The following PEAK1 variants were observed in gnomAD, a reference collection of about 807,000 sequenced individuals.
The protein encoded by PEAK1 is pseudopodium enriched atypical kinase 1, also known as inactive tyrosine-protein kinase PEAK1.
Under a neutral mutation model 124.7 loss-of-function variants are expected in PEAK1, and 54 were observed. The ratio of observed to expected loss-of-function variants is 0.43; its 90% CI spans 0.35 to 0.54. The LOEUF (loss-of-function observed/expected upper bound fraction) is 0.54. PEAK1 is among the 20% of genes least tolerant of loss of function. The probability of loss-of-function intolerance (pLI) is 0.01; values close to 1 mark genes in which losing one functional copy is unlikely to be tolerated. For synonymous variants in PEAK1, 719 were observed against 760.0 expected (o/e 0.95, Z 0.89); for missense variants, 2,046 against 2,134.5 (o/e 0.96, Z 0.82).
chr15:77,158,833 G>C, intron 7 of PEAK1, 137 bp from the exon 8 acceptor site: 2 of 782,832 alleles, frequency 2.6e-6, no homozygotes, highest in Non-Finnish European at 4.0e-6. Context: ...ACACAAGGCA[G>C]TACTTCATTT....
intron 7 of PEAK1, 72 bp downstream of exon 7, chr15:77,178,718 A>T: frequency 7.0e-7 from 1 of 1,433,542 alleles, no homozygotes. Flanking sequence ...TGCAATCTTA[A>T]AAGATATAAA....
intron 2 of PEAK1, chr15:77,347,388 A>C: frequency 1.0e-6 from 1 of 985,400 alleles, no homozygotes; most frequent in African/African-American, 1.7e-5. Flanking sequence ...AATCAGAAAG[A>C]ATCGGCATCA....
chr15:77,242,310 G>C (rs1260694114), intron 6 of PEAK1, among the ~76,000 whole-genome samples: 4 of 151,930 alleles, frequency 2.6e-5, no homozygotes, highest in African/African-American at 4.8e-5. Flanking sequence ...CCTCTAGAAA[G>C]GTCTTTCACC....
intron 6 of PEAK1, among the ~76,000 whole-genome samples, chr15:77,209,132 A>C (rs2058792659): frequency 6.6e-6 from 1 of 152,222 alleles, no homozygotes; most frequent in Non-Finnish European, 1.5e-5. Flanking sequence ...AGAAAATTGA[A>C]ACCAGATCTA....
At chr15:77,332,246 G>A (rs2065932364) in intron 2 of PEAK1, 1 of 984,592 alleles carries the variant, frequency 1.0e-6, no homozygotes, top group South Asian at 4.7e-5. Flanking sequence ...ACAAAAAGTT[G>A]ATTTTTTTCC....
rs577119894 is a variant in PEAK1, at chr15:77,126,140, G to A, written c.4077+6865C>T. Among the ~76,000 whole-genome samples the A allele has an allele frequency of 7.6e-4, 116 of 152,294 alleles. No individual in the cohort carries two copies. The South Asian group carries it at 0.013, about 17-fold the overall frequency. On this transcript the variant is annotated intron_variant, in intron 9 of 9. Coordinates refer to ENST00000682557, the MANE Select transcript of PEAK1 (RefSeq NM_001385026.1). ...TAATCAAAATAACTGTTACCAGCTT[G>A]ACATAGGAATTATTTGAGTATTACC...
intron 1 of PEAK1, among the ~76,000 whole-genome samples, chr15:77,408,105 A>G (rs1042797368): frequency 2.7e-5 from 4 of 150,286 alleles, no homozygotes; most frequent in South Asian, 2.1e-4. Flanking sequence ...ACACATATAT[A>G]CATATATACA....
intron 9 of PEAK1, among the ~76,000 whole-genome samples, chr15:77,129,556 C>G (rs1281439378): frequency 6.6e-6 from 1 of 151,522 alleles, no homozygotes; most frequent in South Asian, 2.1e-4. Context: ...ATGCCTCAGC[C>G]TCCCGAGTAA....
intron 1 of PEAK1, among the ~76,000 whole-genome samples, chr15:77,390,452 T>C (rs918408062): frequency 6.6e-6 from 1 of 152,214 alleles, no homozygotes; most frequent in Non-Finnish European, 1.5e-5. Flanking sequence ...ATGACAGCAT[T>C]AGAAGCTGAT....
rs551874809 is a variant in PEAK1 at position 77,342,690 on chromosome 15, T to A, written c.-603+22473A>T. Among the ~76,000 whole-genome samples, 3 of 152,166 alleles carry A rather than the reference T, an allele frequency of 2.0e-5. No homozygotes were observed. In the East Asian group the frequency reaches 5.8e-4, roughly 29 times the overall value. ...TTCCAAAGTGCTGGGATTACAGGAG[T>A]GAACCACCACACCTGGCTTGCATAT... On this transcript the variant is annotated intron_variant, in intron 2 of 9. Transcript: ENST00000682557.
chr15:77,274,619 A>G (rs1384420562), intron 5 of PEAK1, among the ~76,000 whole-genome samples: 1 of 152,052 alleles, frequency 6.6e-6, no homozygotes, highest in Non-Finnish European at 1.5e-5. Flanking sequence ...TCAAAAATTA[A>G]AAAACCAAAA....
intron 2 of PEAK1, among the ~76,000 whole-genome samples, chr15:77,306,591 T>C (rs2064117503): frequency 2.6e-5 from 4 of 152,164 alleles, no homozygotes; most frequent in Admixed American, 2.6e-4. Flanking sequence ...GCCTAATCAT[T>C]CCTTTTATAG....
chr15:77,147,886 A>C (rs753666152), intron 8 of PEAK1, among the ~76,000 whole-genome samples: 15 of 152,234 alleles, frequency 9.9e-5, no homozygotes, highest in Non-Finnish European at 2.1e-4. Flanking sequence ...GAAATGTTCT[A>C]TATCTTCACT....
chr15:77,332,353 AC>A (rs1427686713), intron 2 of PEAK1: 1 of 803,706 alleles, frequency 1.2e-6, no homozygotes, highest in Non-Finnish European at 1.5e-6. Flanking sequence ...TAATCCTAGC[AC>A]TTTGGGAGGC....
chr15:77,183,463 C>A (rs2057384529), intron 6 of PEAK1, among the ~76,000 whole-genome samples: 1 of 152,094 alleles, frequency 6.6e-6, no homozygotes, highest in Non-Finnish European at 1.5e-5. Context: ...AATTTCATTA[C>A]AGATATGAAT....
chr15:77,396,930 C>T (rs1020036896), intron 1 of PEAK1, among the ~76,000 whole-genome samples: 1 of 152,170 alleles, frequency 6.6e-6, no homozygotes, highest in African/African-American at 2.4e-5. Flanking sequence ...AAAGAAACAT[C>T]AAACTTAATC....
intron 2 of PEAK1, among the ~76,000 whole-genome samples, chr15:77,293,560 A>T (rs1375790500): frequency 6.6e-6 from 1 of 152,194 alleles, no homozygotes; most frequent in Non-Finnish European, 1.5e-5. Flanking sequence ...CTCCTCTTTG[A>T]AGCCCCTCCA....
chr15:77,372,434 T>C (rs1035259338), intron 1 of PEAK1, among the ~76,000 whole-genome samples: 1 of 152,184 alleles, frequency 6.6e-6, no homozygotes, highest in Non-Finnish European at 1.5e-5. Context: ...AAAAGCCTCA[T>C]GGGCAGCAGT....
chr15:77,278,438 C>T, intron 5 of PEAK1: 1 of 433,624 alleles, frequency 2.3e-6, no homozygotes. Flanking sequence ...ACATAACGCA[C>T]CTATGTCCTA....
Sources: allele counts gnomAD v4.1 joint callset (sites outside exome capture counted in the v4.1 genomes callset), GRCh38; gene constraint gnomAD v4.1.1; transcripts MANE v1.5; gene names NCBI Gene and HGNC (gene_info 2026-07-23, HGNC 2026-07-21).